Variants in RGS18 observed in about 807,000 individuals in gnomAD.
The protein encoded by RGS18 is regulator of G protein signaling 18, also known as regulator of G-protein signaling 18.
In RGS18, 22 loss-of-function variants were observed where a neutral mutation model predicts 27.6. The observed-to-expected ratio is 0.80, with a 90% confidence interval of 0.57 to 1.14. RGS18 has a LOEUF of 1.14. RGS18 is among the 50% of genes most tolerant of loss of function. The pLI is 0.00. For synonymous variants in RGS18, 89 were observed against 84.6 expected, an observed-to-expected ratio of 1.05 and a Z score of -0.29; for missense variants, 299 against 269.6, an observed-to-expected ratio of 1.11 and a Z score of -0.76.
Position 192,162,647 on chromosome 1 carries a change from G to A in RGS18, c.283+2208G>A, listed in dbSNP as rs116398783. 1.8e-3 allele frequency among the ~76,000 whole-genome samples: 271 copies of A among 152,114 alleles called. 1 individual carries two copies. The highest frequency in any genetic ancestry group is 5.9e-3 in the African/African-American group (243 of 41,504). ...GCCAAATCTATGTCAAACTTGCCCC[G>A]TACTCACTTTCTTGCTCCGATTGTT... On this transcript the variant is annotated intron_variant, in intron 3 of 4. Coordinates refer to ENST00000367460, the MANE Select transcript of RGS18 (RefSeq NM_130782.3).
At chr1:192,179,198 G>C (rs913009060) in intron 3 of RGS18, among the ~76,000 whole-genome samples, 5 of 151,572 alleles carry the variant, frequency 3.3e-5, no homozygotes, top group Admixed American at 1.3e-4. Context: ...ATGCTGCCAA[G>C]TGGGAAGTCC....
intron 3 of RGS18, among the ~76,000 whole-genome samples, chr1:192,171,873 T>C (rs1465295241): frequency 6.6e-6 from 1 of 152,120 alleles, no homozygotes; most frequent in African/African-American, 2.4e-5. Flanking sequence ...TGCTGCTATA[T>C]CAACTTACCA....
intron 3 of RGS18, chr1:192,169,399 C>T (rs546216497): frequency 3.2e-4 from 49 of 152,276 alleles, no homozygotes; most frequent in African/African-American, 1.1e-3. Flanking sequence ...TTTCTTTCCT[C>T]TTTGGAAATA....
chr1:192,160,544 T>C (rs776874958), intron 3 of RGS18, 105 bp downstream of exon 3: 1 of 719,552 alleles, frequency 1.4e-6, no homozygotes, highest in Non-Finnish European at 2.4e-6. Context: ...TGTCTGATTG[T>C]TAATTTTCAG....
intron 3 of RGS18, among the ~76,000 whole-genome samples, chr1:192,173,627 G>C (rs1396366783): frequency 6.6e-6 from 1 of 151,670 alleles, no homozygotes; most frequent in Non-Finnish European, 1.5e-5. Flanking sequence ...AATTGAATTA[G>C]GGCTACCAGA....
chr1:192,164,880 G>A (rs867932718), intron 3 of RGS18, among the ~76,000 whole-genome samples: 67 of 152,216 alleles, frequency 4.4e-4, no homozygotes, highest in Middle Eastern at 3.4e-3. Flanking sequence ...TGATGATTGC[G>A]TTAACTGTGT....
chr1:192,165,652 T>C (rs1053320091), intron 3 of RGS18, among the ~76,000 whole-genome samples: 5 of 152,240 alleles, frequency 3.3e-5, no homozygotes, highest in African/African-American at 1.2e-4. Flanking sequence ...TGTTGAAATA[T>C]TGGGGTCTGG....
At chr1:192,179,427 A>C (rs1388577995) in intron 3 of RGS18, among the ~76,000 whole-genome samples, 1 of 151,550 alleles carries the variant, frequency 6.6e-6, no homozygotes, top group African/African-American at 2.4e-5. Flanking sequence ...ACTACCATAC[A>C]CCCAAGCAAT....
In RGS18 at chr1:192,185,013, T is replaced by C. The variant is rs148314616; in HGVS notation, c.*459T>C. On this transcript the variant is annotated 3_prime_UTR_variant, in exon 5 of 5. Transcript: ENST00000367460. Reference sequence around the variant, plus strand: ...AATGTTCTCTTTTTTTTGGTAATAGTGTAGAAGTGATCTGGTTCTTACAAT... The same window carrying C: ...AATGTTCTCTTTTTTTTGGTAATAGCGTAGAAGTGATCTGGTTCTTACAAT... 167 of 166,764 alleles carry C rather than the reference T, an allele frequency of 1.0e-3. 1 individual carries two copies. Among genetic ancestry groups the C allele is most frequent in the African/African-American group, 3.9e-3 (160 of 41,558 alleles). 10.3% of individuals were successfully genotyped at this position (166,764 alleles called of 1,614,324 possible).
chr1:192,165,136 G>C (rs1415778696), intron 3 of RGS18, among the ~76,000 whole-genome samples: 1 of 152,090 alleles, frequency 6.6e-6, no homozygotes, highest in African/African-American at 2.4e-5. Context: ...TCCCCGGGGA[G>C]GCCTCTAAAA....
chr1:192,161,088 G>T (rs1348191994), intron 3 of RGS18, among the ~76,000 whole-genome samples: 4 of 152,186 alleles, frequency 2.6e-5, no homozygotes, highest in Non-Finnish European at 5.9e-5. Context: ...CTGACCTGGT[G>T]ATCCACCCGT....
At chr1:192,173,227 AACAG>A (rs1332849159) in intron 3 of RGS18, among the ~76,000 whole-genome samples, 1 of 151,972 alleles carries the variant, frequency 6.6e-6, no homozygotes, top group Non-Finnish European at 1.5e-5. Flanking sequence ...AAATGAGTTG[AACAG>A]ACAAAGCTAC....
intron 3 of RGS18, among the ~76,000 whole-genome samples, chr1:192,178,303 C>G (rs1656391834): frequency 6.6e-6 from 1 of 151,536 alleles, no homozygotes; most frequent in Non-Finnish European, 1.5e-5. Context: ...GTGGTCAATT[C>G]AATGATGTTT....
At chr1:192,173,469 A>G (rs75988847) in intron 3 of RGS18, among the ~76,000 whole-genome samples, 1 of 151,844 alleles carries the variant, frequency 6.6e-6, no homozygotes, top group Non-Finnish European at 1.5e-5. Context: ...TCATAAAATA[A>G]GGTGGAAAGT....
chr1:192,178,531 T>TA (rs1184387555), intron 3 of RGS18, among the ~76,000 whole-genome samples: 7 of 151,558 alleles, frequency 4.6e-5, no homozygotes, highest in Non-Finnish European at 7.4e-5. Flanking sequence ...TGAGGAGAAT[T>TA]ACAGGCAATT....
rs553942400 is a variant in RGS18 at position 192,171,343 on chromosome 1, C to A, written c.284-9949C>A. Among the ~76,000 whole-genome samples the A allele has an allele frequency of 5.9e-5, 9 of 152,054 alleles. No homozygotes were observed. In the South Asian group the frequency reaches 6.2e-4, roughly 11 times the overall value. On this transcript the variant is annotated intron_variant, in intron 3 of 4. Transcript: ENST00000367460. Reference sequence around the variant, plus strand: ...ATTCAAGAATCACTTAGCAGTAAGGCCTTCATCAGACAGTTGTGTTTGACT... The same window carrying A: ...ATTCAAGAATCACTTAGCAGTAAGGACTTCATCAGACAGTTGTGTTTGACT...
rs150269041 is a variant in RGS18, at chr1:192,175,019, A to G, written c.284-6273A>G. Among the ~76,000 whole-genome samples, 272 of 151,854 alleles carry G rather than the reference A, an allele frequency of 1.8e-3. 3 individuals are homozygous for G. The Middle Eastern group carries it at 0.02, about 11-fold the overall frequency. ...TTTAGATTAAGTAAATCTATCTTCT[A>G]TACAACTGTCTGCTAGCATATCCAT... is the stretch of plus-strand genomic sequence containing the variant. On this transcript the variant is annotated intron_variant, in intron 3 of 4. Coordinates refer to ENST00000367460, the MANE Select transcript of RGS18 (RefSeq NM_130782.3).
intron 3 of RGS18, among the ~76,000 whole-genome samples, chr1:192,175,357 C>T (rs80151830): frequency 0.011 from 1,660 of 151,676 alleles, 13 homozygotes; most frequent in Non-Finnish European, 0.019. Flanking sequence ...TGGAGGAAGA[C>T]ATAGGAGTCT....
At chr1:192,177,654 G>A (rs574520890) in intron 3 of RGS18, among the ~76,000 whole-genome samples, 3 of 151,770 alleles carry the variant, frequency 2.0e-5, no homozygotes, top group South Asian at 2.1e-4. Context: ...AAGTCTTTCC[G>A]GACAAGATGA....
Sources: gnomAD v4.1 joint callset for allele counts (sites outside exome capture counted in the v4.1 genomes callset) on GRCh38, gnomAD v4.1.1 for gene constraint, MANE v1.5 for transcripts, NCBI Gene and HGNC (gene_info 2026-07-23, HGNC 2026-07-21) for gene names.